CUL4B: variants seen among roughly 807,000 people sequenced by gnomAD.
CUL4B encodes the protein cullin-4B.
In CUL4B, 1 loss-of-function variant was observed where a neutral mutation model predicts 69.2. That is an observed-to-expected ratio of 0.01 (90% CI 0.01 to 0.07). The LOEUF is 0.07. CUL4B is among the 10% of genes least tolerant of loss of function. The pLI is 1.00. For missense variants in CUL4B, 328 were observed against 638.8 expected, an observed-to-expected ratio of 0.51 and a Z score of 5.24; for synonymous variants, 237 against 223.2, an observed-to-expected ratio of 1.06 and a Z score of -0.55.
At chrX:120,561,160 T>C (rs1925279534), upstream of CUL4B, 15 of 870,142 alleles carry the variant, frequency 1.7e-5, no homozygotes, top group Non-Finnish European at 2.3e-5. Context: ...AGGGAAGCGC[T>C]GCAGCCGCCC....
chrX:120,543,004 T>G lies in CUL4B; in HGVS notation c.1286A>C (p.Gln429Pro). ...TGCTGTTAAGTGTTCACCTAGAAGT[T>G]GTTTTTCTACAGTAGCAATTAATGA... ...QKSLIATVEK[Q>P]LLGEHLTAIL... Residue 429 changes from glutamine (Q) to proline (P), a missense_variant, in exon 9 of 20, where the codon CAA becomes CCA. Physicochemically the swap from Gln to Pro is moderately conservative, Grantham distance 76. This residue lies in a region of CUL4B where 126 missense variants were observed against 202.5 expected (regional missense o/e 0.62). Transcript: ENST00000371322. 1.7e-6 allele frequency: 2 copies of G among 1,200,006 alleles called. No homozygotes were observed. The highest frequency in any genetic ancestry group is 2.3e-6 in the Non-Finnish European group (2 of 885,884).
chrX:120,524,098 T>C lies in CUL4B; in HGVS notation c.*2663A>G, dbSNP rs745525325. Among the ~76,000 whole-genome samples the C allele has an allele frequency of 2.4e-4, 27 of 111,371 alleles. No homozygotes were observed. Among genetic ancestry groups the C allele is most frequent in the African/African-American group, 8.4e-4 (26 of 30,776 alleles). ...TGGTTTTCTGAACTGTACACTCACA[T>C]ACACAGCAAAAATTTCAAGAGTATG... On this transcript the variant is annotated 3_prime_UTR_variant, in exon 20 of 20. Transcript: ENST00000371322.
At chrX:120,535,704 C>CAAAAAAA (rs71820203) in intron 16 of CUL4B, 126 bp downstream of exon 16, 10 of 189,757 alleles carry the variant, frequency 5.3e-5, no homozygotes, top group African/African-American at 3.6e-4. Flanking sequence ...GACTCTGTCT[C>CAAAAAAA]AAAAAAAAAA....
intron 19 of CUL4B, among the ~76,000 whole-genome samples, chrX:120,527,408 T>C (rs1478825589): frequency 9.0e-6 from 1 of 110,519 alleles, no homozygotes; most frequent in Admixed American, 9.7e-5. Flanking sequence ...TGATTTTTTT[T>C]TGGAGCTTTT....
At chrX:120,540,292 C>T (rs1923913425) in intron 11 of CUL4B, 78 bp downstream of exon 11, 1 of 964,476 alleles carries the variant, frequency 1.0e-6, no homozygotes, top group African/African-American at 1.9e-5. Flanking sequence ...ATACTACAAC[C>T]TGGTAAAAAT....
chrX:120,568,878 G>A (rs953227910), downstream of CUL4B, among the ~76,000 whole-genome samples: 2 of 111,728 alleles, frequency 1.8e-5, no homozygotes, highest in Non-Finnish European at 3.8e-5. Flanking sequence ...TTACAATTTC[G>A]TAAGGAGACT....
At position 120,546,540 on chromosome X, in the gene CUL4B, A is replaced by G; in HGVS notation, c.846+7T>C. The stretch of plus-strand genomic sequence containing the variant: ...TTAGCCGAAATACAATACTTTTTCC[A>G]GCTTACCATTTGTCTGCAATGGTTT... On this transcript the variant is annotated splice_region_variant and intron_variant, in intron 4 of 19. Transcript: ENST00000371322. 2.5e-6 allele frequency: 3 copies of G among 1,192,682 alleles called. No homozygotes were observed. The highest frequency in any genetic ancestry group is 3.4e-6 in the Non-Finnish European group (3 of 878,472).
At position 120,553,215 on chromosome X, in the gene CUL4B, A is replaced by AT. The variant is rs1924790185; in HGVS notation, c.672+4708_672+4709insA. On this transcript the variant is annotated intron_variant, in intron 2 of 19. Transcript: ENST00000371322. Reference sequence around the variant, plus strand: ...AAAAGAGAAATACATAATACATAATAGACTAAGCTTTAAGACATCAACAGG... The same window carrying AT: ...AAAAGAGAAATACATAATACATAATATGACTAAGCTTTAAGACATCAACAGG... Among the ~76,000 whole-genome samples the AT allele has an allele frequency of 1.8e-5, 2 of 112,290 alleles. 1 individual carries two copies. The highest frequency in any genetic ancestry group is 1.9e-4 in the Admixed American group (2 of 10,543).
At chrX:120,560,965 G>A, upstream of CUL4B, 1 of 753,625 alleles carries the variant, frequency 1.3e-6, no homozygotes, top group Non-Finnish European at 1.6e-6. Context: ...GCGAGTCTGT[G>A]AGGCTGCAGC....
chrX:120,527,659 C>T (rs934277541), intron 19 of CUL4B, among the ~76,000 whole-genome samples: 11 of 111,824 alleles, frequency 9.8e-5, no homozygotes, highest in Non-Finnish European at 5.6e-5. Flanking sequence ...ACATACCTTA[C>T]ATAGCCTGAA....
rs573519491 is a variant in CUL4B, at chrX:120,527,695, A to T, written c.2593-839T>A. ...GATAATTTTATACCTTTTGTGCATG[A>T]AACAAAGTTTTGACTGCAACCTGTC... On this transcript the variant is annotated intron_variant, in intron 19 of 19. Transcript: ENST00000371322. 2.8e-4 allele frequency among the ~76,000 whole-genome samples: 32 copies of T among 112,288 alleles called. No individual in the cohort carries two copies. The South Asian group carries it at 0.011, about 40-fold the overall frequency.
At chrX:120,535,695 A>T (rs1923619162) in intron 16 of CUL4B, 135 bp downstream of exon 16, 2 of 395,714 alleles carry the variant, frequency 5.1e-6, no homozygotes, top group Admixed American at 1.0e-4. Context: ...ACAGAGTGAG[A>T]CTCTGTCTCA....
chrX:120,540,147 T>C lies in CUL4B; in HGVS notation c.1636+223A>G, dbSNP rs757023560. On this transcript the variant is annotated intron_variant, in intron 11 of 19. Transcript: ENST00000371322. ...TTATTATCAATAAAGGTAAATAGTGTCCAACGTACTGTCTTTGAAAGAAAG... is the reference window on the plus strand; with the variant it reads ...TTATTATCAATAAAGGTAAATAGTGCCCAACGTACTGTCTTTGAAAGAAAG... Among the ~76,000 whole-genome samples the C allele has an allele frequency of 2.7e-5, 3 of 112,305 alleles. No individual in the cohort carries two copies. In the South Asian group the frequency reaches 1.1e-3, roughly 41 times the overall value.
intron 5 of CUL4B, 68 bp downstream of exon 5, chrX:120,545,376 T>C (rs1924253175): frequency 8.0e-6 from 6 of 746,703 alleles, no homozygotes; most frequent in Non-Finnish European, 1.0e-5. Context: ...CTTATACACT[T>C]TCATTAGTGT....
At chrX:120,544,798 A>G (rs1208339267) in intron 5 of CUL4B, among the ~76,000 whole-genome samples, 155 bp from the exon 6 acceptor site, 1 of 112,503 alleles carries the variant, frequency 8.9e-6, no homozygotes, top group African/African-American at 3.2e-5. Context: ...TTAATTTTGA[A>G]TAACATTATT....
At chrX:120,544,391 A>T in intron 6 of CUL4B, 90 bp downstream of exon 6, 1 of 986,438 alleles carries the variant, frequency 1.0e-6, no homozygotes, top group Non-Finnish European at 1.4e-6. Context: ...AAACCTTGTT[A>T]TGACATCAGC....
Position 120,534,575 on chromosome X carries a change from T to A in CUL4B, c.2172A>T (p.Glu724Asp). The A allele has an allele frequency of 8.4e-7, 1 of 1,189,120 alleles. No homozygotes were observed. Among genetic ancestry groups the A allele is most frequent in the Non-Finnish European group, 1.1e-6 (1 of 875,171 alleles). Residue 724 changes from glutamate (E) to aspartate (D), a missense_variant, in exon 17 of 20, where the codon GAA becomes GAT. Physicochemically the swap from Glu to Asp is conservative, Grantham distance 45. Transcript: ENST00000371322. The part of the protein sequence containing the change: ...LKAEFKEGKK[E>D]LQVSLFQTLV... Reference sequence around the variant, plus strand: ...GTGTTTGAAAAAGAGAGACCTGGAGTTCCTTTTTACCCTGTTGAAGAAATA... The same window carrying A: ...GTGTTTGAAAAAGAGAGACCTGGAGATCCTTTTTACCCTGTTGAAGAAATA...
intron 2 of CUL4B, among the ~76,000 whole-genome samples, chrX:120,551,309 T>C (rs1445305990): frequency 4.5e-5 from 5 of 110,407 alleles, no homozygotes; most frequent in Non-Finnish European, 9.5e-5. Context: ...GTGGTTCTCC[T>C]GTTTCAGCCT....
chrX:120,539,284 T>C lies in CUL4B; in HGVS notation c.1725A>G (p.Ile575Met), dbSNP rs1382555486. Residue 575 changes from isoleucine (I) to methionine (M), a missense_variant, in exon 12 of 20, where the codon ATA becomes ATG. This residue lies in a region of CUL4B where 98 missense variants were observed against 296.8 expected (regional missense o/e 0.33). Transcript: ENST00000371322. Reference sequence around the variant, plus strand: ...AATACTTACCATAGATAAATCTAAATATGATCATAATTTTATCCAACATTT... The same window carrying C: ...AATACTTACCATAGATAAATCTAAACATGATCATAATTTTATCCAACATTT... Reference protein sequence around the residue: ...LEKMLDKIMIIFRFIYGKDVF... With the variant: ...LEKMLDKIMIMFRFIYGKDVF... 19 of 1,147,227 alleles carry C rather than the reference T, an allele frequency of 1.7e-5. No homozygotes were observed. Among genetic ancestry groups the C allele is most frequent in the Non-Finnish European group, 2.3e-5 (19 of 842,174 alleles). The allele number at this position is 1,147,227 out of a possible 1,213,427, so 94.5% of individuals were successfully genotyped here. A position where few individuals can be genotyped will look rare whatever the true frequency, so the allele number is the denominator to read the frequency against.
Sources: gnomAD v4.1 joint callset for allele counts (sites outside exome capture counted in the v4.1 genomes callset) on GRCh38, gnomAD v4.1.1 for gene constraint, gnomAD v4.1.1 regional missense constraint, MANE v1.5 for transcripts, NCBI Gene and HGNC (gene_info 2026-07-23, HGNC 2026-07-21) for gene names.